STK10: variants seen among roughly 807,000 people sequenced by gnomAD.
STK10 encodes serine/threonine-protein kinase 10.
A neutral mutation model predicts 113.8 loss-of-function variants in STK10; 78 were observed. The observed-to-expected ratio is 0.69, with a 90% CI of 0.57 to 0.83. The LOEUF is 0.83. Among genes scored for constraint, STK10 ranks in the 40% least tolerant of loss-of-function variants. The probability of loss-of-function intolerance (pLI) is 0.00; values close to 1 mark genes in which losing one functional copy is unlikely to be tolerated. For missense variants in STK10, 1,109 were observed against 1,280.1 expected, an observed-to-expected ratio of 0.87 and a Z score of 2.04; for synonymous variants, 465 against 494.7, an observed-to-expected ratio of 0.94 and a Z score of 0.80.
At chr5:172,150,196 CT>C (rs1307409454) in intron 2 of STK10, among the ~76,000 whole-genome samples, 1 of 151,004 alleles carries the variant, frequency 6.6e-6, no homozygotes, top group Non-Finnish European at 1.5e-5. Context: ...CTCAGGTCTC[CT>C]AGGCTGGGCA....
intron 2 of STK10, among the ~76,000 whole-genome samples, chr5:172,152,682 T>A (rs1294197029): frequency 6.6e-6 from 1 of 152,230 alleles, no homozygotes; most frequent in Non-Finnish European, 1.5e-5. Context: ...CTGGGAAACG[T>A]TTAAGAATGT....
intron 4 of STK10, among the ~76,000 whole-genome samples, chr5:172,109,685 C>A (rs1434982206): frequency 6.6e-6 from 1 of 152,184 alleles, no homozygotes; most frequent in Admixed American, 6.5e-5. Flanking sequence ...GAATTCAGCG[C>A]TACCAAGAGA....
chr5:172,151,257 T>C (rs1770225917), intron 2 of STK10, among the ~76,000 whole-genome samples: 1 of 152,222 alleles, frequency 6.6e-6, no homozygotes, highest in African/African-American at 2.4e-5. Flanking sequence ...GAATTGGCTC[T>C]GGTCTCACAG....
intron 10 of STK10, among the ~76,000 whole-genome samples, chr5:172,088,478 A>C (rs4283806): frequency 0.2 from 29,749 of 152,072 alleles, 3,708 homozygotes; most frequent in African/African-American, 0.35. Flanking sequence ...GAACCAAGAT[A>C]GCACCACTGC....
intron 9 of STK10, among the ~76,000 whole-genome samples, chr5:172,091,197 A>C (rs1020950297): frequency 6.6e-6 from 1 of 152,176 alleles, no homozygotes; most frequent in Non-Finnish European, 1.5e-5. Flanking sequence ...TTATTACTGC[A>C]GACCACACAC....
chr5:172,172,440 G>C lies in STK10; in HGVS notation c.156+15447C>G, dbSNP rs528112844. ...CTATACCCGTGTTCCACCAACACTAGGTATCATCCAGATGTGACGCTGGGC... is the reference window on the plus strand; with the variant it reads ...CTATACCCGTGTTCCACCAACACTACGTATCATCCAGATGTGACGCTGGGC... On this transcript the variant is annotated intron_variant, in intron 1 of 18. Coordinates refer to ENST00000176763, the MANE Select transcript of STK10 (RefSeq NM_005990.4). Among the ~76,000 whole-genome samples, 4 of 152,334 alleles carry C rather than the reference G, an allele frequency of 2.6e-5. No homozygotes were observed. In the East Asian group the frequency reaches 7.7e-4, roughly 29 times the overall value.
At position 172,185,244 on chromosome 5, in the gene STK10, GA is replaced by G. The variant is rs375737768; in HGVS notation, c.156+2642del. On this transcript the variant is annotated intron_variant, in intron 1 of 18. Transcript: ENST00000176763. ...AATGCAATTGAAAGCCCCTAACGGA[GA>G]AAAAAAAAAGCCCATATGTTTGTTT... is the stretch of plus-strand genomic sequence containing the variant. 9.1e-3 allele frequency among the ~76,000 whole-genome samples: 1,351 copies of G among 147,658 alleles called. 26 individuals carry two copies. The highest frequency in any genetic ancestry group is 0.032 in the African/African-American group (1,299 of 40,348).
intron 10 of STK10, among the ~76,000 whole-genome samples, chr5:172,085,638 G>A (rs918149803): frequency 1.4e-5 from 2 of 147,244 alleles, no homozygotes; most frequent in Admixed American, 1.4e-4. Flanking sequence ...GTAGTGAGCC[G>A]AGATCACACC....
At chr5:172,185,020 G>C (rs189999463) in intron 1 of STK10, among the ~76,000 whole-genome samples, 2 of 152,262 alleles carry the variant, frequency 1.3e-5, no homozygotes, top group East Asian at 1.9e-4. Context: ...AGAGGAGACA[G>C]TATCGATTGT....
At chr5:172,075,570 G>A (rs193044742) in intron 12 of STK10, among the ~76,000 whole-genome samples, 29 of 152,274 alleles carry the variant, frequency 1.9e-4, no homozygotes, top group African/African-American at 6.7e-4. Flanking sequence ...CCAGCTACTC[G>A]GGAGGCTGAG....
chr5:172,082,340 G>C lies in STK10; in HGVS notation c.1975C>G (p.Leu659Val). The change falls in exon 12 of 19, where the codon CTG (leucine) becomes GTG (valine). Residue 659 changes from leucine (L) to valine (V), a missense_variant. Coordinates refer to ENST00000176763, the MANE Select transcript of STK10 (RefSeq NM_005990.4). The surrounding 1 kb of genome is among the most constrained non-coding windows in gnomAD (Gnocchi z 4.3). The stretch of plus-strand genomic sequence containing the variant: ...CACATACTCACCTCTTTCTTCATCA[G>C]TTTGAGCTGCTCTTGGAACCTGGTG... ...DYTRFQEQLK[L>V]MKKEVKNEVE... The C allele has an allele frequency of 6.4e-7, 1 of 1,571,682 alleles. No homozygotes were observed.
At chr5:172,185,236 C>G (rs1054459793) in intron 1 of STK10, among the ~76,000 whole-genome samples, 1 of 151,634 alleles carries the variant, frequency 6.6e-6, no homozygotes, top group East Asian at 1.9e-4. Flanking sequence ...TTGAAAGCCC[C>G]TAACGGAGAA....
intron 2 of STK10, among the ~76,000 whole-genome samples, chr5:172,153,286 C>CG (rs1770276288): frequency 1.1e-5 from 1 of 91,746 alleles, no homozygotes; most frequent in African/African-American, 4.8e-5. Flanking sequence ...AACTCCATCT[C>CG]AAAAAGAAAG....
At chr5:172,113,540 T>C (rs560815813) in intron 4 of STK10, among the ~76,000 whole-genome samples, 1 of 152,166 alleles carries the variant, frequency 6.6e-6, no homozygotes, top group Non-Finnish European at 1.5e-5. Context: ...TTTAAGGATA[T>C]GGAGGAATAC....
intron 12 of STK10, among the ~76,000 whole-genome samples, chr5:172,065,215 C>T (rs1581137601): frequency 1.3e-5 from 2 of 152,058 alleles, no homozygotes; most frequent in South Asian, 2.1e-4. Context: ...CAGACAATAT[C>T]GTCAATCTGA....
Position 172,043,127 on chromosome 5 carries a change from C to T in STK10, c.*1755G>A, listed in dbSNP as rs113433475. On this transcript the variant is annotated 3_prime_UTR_variant, in exon 19 of 19. Transcript: ENST00000176763. ...TTTTTTTTTGAGAGACAGAGTCTCGCCCTGTCACCTAGGCTGGAGTGCAGT... is the reference window on the plus strand; with the variant it reads ...TTTTTTTTTGAGAGACAGAGTCTCGTCCTGTCACCTAGGCTGGAGTGCAGT... The T allele has an allele frequency of 1.3e-5, 2 of 150,434 alleles. No individual in the cohort carries two copies. The highest frequency in any genetic ancestry group is 4.9e-5 in the African/African-American group (2 of 40,822). The allele number at this position is 150,434 out of a possible 1,614,324, so 9.3% of individuals were successfully genotyped here.
At chr5:172,151,440 G>A (rs762022027) in intron 2 of STK10, among the ~76,000 whole-genome samples, 8 of 151,840 alleles carry the variant, frequency 5.3e-5, no homozygotes, top group Non-Finnish European at 1.0e-4. Context: ...TCCACCTCCC[G>A]GGTTCAAGTA....
chr5:172,115,337 A>G (rs1769355811), intron 4 of STK10, among the ~76,000 whole-genome samples: 1 of 152,212 alleles, frequency 6.6e-6, no homozygotes, highest in South Asian at 2.1e-4. Flanking sequence ...TTCAGGCAGC[A>G]GCAGATGATG....
intron 3 of STK10, among the ~76,000 whole-genome samples, chr5:172,119,801 T>G (rs1483216925): frequency 6.7e-6 from 1 of 149,384 alleles, no homozygotes; most frequent in Non-Finnish European, 1.5e-5. Context: ...GAGGCAGAGC[T>G]TGCAGTGAGC....
Sources: gnomAD v4.1 joint callset for allele counts (sites outside exome capture counted in the v4.1 genomes callset) on GRCh38, gnomAD v4.1.1 for gene constraint, Gnocchi (gnomAD v3.1) non-coding constraint, MANE v1.5 for transcripts, NCBI Gene and HGNC (gene_info 2026-07-23, HGNC 2026-07-21) for gene names.